The following NAA11 variants were observed in gnomAD, a reference collection of about 807,000 sequenced individuals.
The protein encoded by NAA11 is N-alpha-acetyltransferase 11.
NAA11 carries 15 observed loss-of-function variants against 16.1 expected under a neutral mutation model. The observed-to-expected ratio is 0.93, with a 90% CI of 0.62 to 1.44. The LOEUF is 1.44. Among genes scored for constraint, NAA11 ranks in the 40% most tolerant of loss-of-function variants. The pLI is 0.00. For missense variants in NAA11, 298 were observed against 291.3 expected (o/e 1.02, Z -0.17); for synonymous variants, 122 against 112.4 (o/e 1.09, Z -0.54).
In NAA11 at chr4:79,245,294, T is replaced by C. The variant is rs138488122; in HGVS notation, c.*123-19024A>G. ...CCGGGCCATCATCCCGTCTAGGAAG[T>C]GAGGAACGTCTCTGCCTGGCCACCC... On this transcript the variant is annotated intron_variant and NMD_transcript_variant, in intron 2 of 2. Transcript: ENST00000511542. 1,285 of 153,366 alleles carry C rather than the reference T, an allele frequency of 8.4e-3. 22 individuals are homozygous for C. The highest frequency in any genetic ancestry group is 0.03 in the African/African-American group (1,209 of 39,832). 9.5% of individuals were successfully genotyped at this position (153,366 alleles called of 1,614,324 possible). A position where few individuals can be genotyped will look rare whatever the true frequency, so the allele number is the denominator to read the frequency against.
the NAA11 span, among the ~76,000 whole-genome samples, chr4:79,169,675 G>A: frequency 6.6e-6 from 1 of 152,128 alleles, no homozygotes; most frequent in African/African-American, 2.4e-5. Context: ...ATACCATTCA[G>A]GACATAGGCA....
chr4:79,324,275 TAATAC>T (rs1332201689), intron 1 of NAA11, among the ~76,000 whole-genome samples: 1 of 152,224 alleles, frequency 6.6e-6, no homozygotes, highest in African/African-American at 2.4e-5. Context: ...TTTCTAAACA[TAATAC>T]AATACCATTT....
the NAA11 span, among the ~76,000 whole-genome samples, chr4:79,208,421 C>CGT: frequency 2.6e-5 from 4 of 152,322 alleles, no homozygotes; most frequent in African/African-American, 9.6e-5. Context: ...CAAGGTTATA[C>CGT]TTTCTATAAA....
chr4:79,314,216 A>G (rs1723864631), downstream of NAA11, among the ~76,000 whole-genome samples: 1 of 152,210 alleles, frequency 6.6e-6, no homozygotes, highest in South Asian at 2.1e-4. Context: ...CAGAAAGTTG[A>G]GCAGAGTTCC....
At chr4:79,195,043 C>T in the NAA11 span, among the ~76,000 whole-genome samples, 2 of 152,026 alleles carry the variant, frequency 1.3e-5, no homozygotes, top group Non-Finnish European at 2.9e-5. Context: ...AGAAAAGTGT[C>T]CTATCTAATC....
the NAA11 span, among the ~76,000 whole-genome samples, chr4:79,205,828 T>C: frequency 6.6e-6 from 1 of 152,074 alleles, no homozygotes; most frequent in African/African-American, 2.4e-5. Flanking sequence ...CTTCTGCATG[T>C]GGCTATCAAA....
At chr4:79,200,100 A>G in the NAA11 span, among the ~76,000 whole-genome samples, 1 of 151,872 alleles carries the variant, frequency 6.6e-6, no homozygotes, top group East Asian at 1.9e-4. Context: ...GGCATAGATC[A>G]TGGTTAAGGA....
intron 2 of NAA11, among the ~76,000 whole-genome samples, chr4:79,248,145 G>T (rs1379124061): frequency 2.0e-5 from 3 of 152,164 alleles, no homozygotes; most frequent in Non-Finnish European, 4.4e-5. Flanking sequence ...TGCTTGCAGT[G>T]CAGCCTCAGA....
At chr4:79,228,386 T>C (rs923467616) in intron 2 of NAA11, among the ~76,000 whole-genome samples, 10 of 152,016 alleles carry the variant, frequency 6.6e-5, no homozygotes, top group African/African-American at 1.9e-4. Context: ...TTCTCATTGG[T>C]GCACAGTTCT....
the NAA11 span, among the ~76,000 whole-genome samples, chr4:79,175,763 A>G: frequency 3.3e-5 from 5 of 151,204 alleles, no homozygotes; most frequent in Admixed American, 6.6e-5. Flanking sequence ...AAAAAAAAAA[A>G]AGATACCAGC....
intron 2 of NAA11, among the ~76,000 whole-genome samples, chr4:79,234,985 G>C (rs993838095): frequency 6.6e-6 from 1 of 152,004 alleles, no homozygotes; most frequent in Admixed American, 6.6e-5. Flanking sequence ...TCTATATGAA[G>C]AGTCCTTCTT....
intron 2 of NAA11, among the ~76,000 whole-genome samples, chr4:79,277,415 A>G (rs1194319921): frequency 6.6e-6 from 1 of 152,096 alleles, no homozygotes; most frequent in African/African-American, 2.4e-5. Flanking sequence ...TTAGAAAATC[A>G]AGCAAAATAA....
chr4:79,296,658 C>T (rs1284004883), intron 1 of NAA11, among the ~76,000 whole-genome samples: 4 of 152,134 alleles, frequency 2.6e-5, no homozygotes, highest in Non-Finnish European at 5.9e-5. Flanking sequence ...ACCATGGACC[C>T]CATTACCTCT....
the NAA11 span, among the ~76,000 whole-genome samples, chr4:79,164,880 T>C: frequency 6.6e-6 from 1 of 152,226 alleles, no homozygotes; most frequent in Non-Finnish European, 1.5e-5. Flanking sequence ...AAGCATTGAA[T>C]GACTGTGGGA....
At chr4:79,203,616 A>AT in the NAA11 span, among the ~76,000 whole-genome samples, 498 of 146,388 alleles carry the variant, frequency 3.4e-3, 2 homozygotes, top group African/African-American at 0.011. Context: ...CTTTTCCCTG[A>AT]TTTTTTTTTT....
the NAA11 span, among the ~76,000 whole-genome samples, chr4:79,204,926 TATAC>T: frequency 1.8e-4 from 7 of 39,666 alleles, no homozygotes; most frequent in East Asian, 4.3e-3. Context: ...CCATGGTGTG[TATAC>T]ACACACACAC....
At chr4:79,167,759 AAATTAT>A in the NAA11 span, among the ~76,000 whole-genome samples, 1 of 152,128 alleles carries the variant, frequency 6.6e-6, no homozygotes, top group Admixed American at 6.6e-5. Context: ...GGCCTCAGGA[AAATTAT>A]AATCATCATG....
chr4:79,194,452 G>A, the NAA11 span, among the ~76,000 whole-genome samples: 5 of 152,224 alleles, frequency 3.3e-5, no homozygotes, highest in Admixed American at 2.6e-4. Context: ...TGAAGGTGAA[G>A]TGTGGGTCTT....
chr4:79,228,947 G>A (rs1266070249), intron 2 of NAA11, among the ~76,000 whole-genome samples: 1 of 151,918 alleles, frequency 6.6e-6, no homozygotes, highest in Admixed American at 6.6e-5. Flanking sequence ...GAACATTCTA[G>A]TTACTTTATA....
Sources: allele counts gnomAD v4.1 joint callset (sites outside exome capture counted in the v4.1 genomes callset), GRCh38; gene constraint gnomAD v4.1.1; transcripts MANE v1.5; gene names NCBI Gene and HGNC (gene_info 2026-07-23, HGNC 2026-07-21).